Variants in FHIT observed in about 807,000 individuals in gnomAD.
FHIT encodes fragile histidine triad diadenosine triphosphatase, also known as bis(5'-adenosyl)-triphosphatase.
A neutral mutation model predicts 17.9 loss-of-function variants in FHIT; 19 were observed. That is an observed-to-expected ratio of 1.06 (90% CI 0.74 to 1.56). The LOEUF (loss-of-function observed/expected upper bound fraction) is 1.56. Among genes scored for constraint, FHIT ranks in the 40% most tolerant of loss-of-function variants. FHIT has a pLI of 0.00. For synonymous variants in FHIT, 81 were observed against 69.7 expected, an observed-to-expected ratio of 1.16 and a Z score of -0.81; for missense variants, 248 against 189.2, an observed-to-expected ratio of 1.31 and a Z score of -1.82.
At chr3:60,381,019 T>A (rs1700778936) in intron 5 of FHIT, among the ~76,000 whole-genome samples, 1 of 152,198 alleles carries the variant, frequency 6.6e-6, no homozygotes, top group African/African-American at 2.4e-5. Flanking sequence ...CTTGTAGCCT[T>A]TGAAACTCCA....
At chr3:61,043,515 C>T (rs112514217) in intron 2 of FHIT, among the ~76,000 whole-genome samples, 31 of 152,196 alleles carry the variant, frequency 2.0e-4, no homozygotes, top group African/African-American at 7.5e-4. Flanking sequence ...CTCAAGGAGG[C>T]CTGCCTGCCT....
At chr3:61,188,182 T>C (rs1331513565) in intron 2 of FHIT, among the ~76,000 whole-genome samples, 1 of 151,992 alleles carries the variant, frequency 6.6e-6, no homozygotes, top group Non-Finnish European at 1.5e-5. Context: ...GATAGACCGC[T>C]AGCAAGACTA....
intron 7 of FHIT, among the ~76,000 whole-genome samples, chr3:59,950,711 A>T (rs1158739618): frequency 3.9e-5 from 6 of 152,150 alleles, no homozygotes; most frequent in African/African-American, 1.4e-4. Flanking sequence ...CCAGGAGGGA[A>T]ATGTACATTA....
intron 5 of FHIT, among the ~76,000 whole-genome samples, chr3:60,093,698 C>T (rs1428640415): frequency 1.3e-5 from 2 of 152,140 alleles, no homozygotes; most frequent in African/African-American, 4.8e-5. Flanking sequence ...GAGCAAGAAC[C>T]CTACTATGAA....
chr3:61,109,007 A>G (rs1345340120), intron 2 of FHIT, among the ~76,000 whole-genome samples: 1 of 152,216 alleles, frequency 6.6e-6, no homozygotes, highest in African/African-American at 2.4e-5. Flanking sequence ...GTTTAAATGT[A>G]AATATATCTA....
intron 4 of FHIT, among the ~76,000 whole-genome samples, chr3:60,637,432 T>C (rs2039616022): frequency 6.6e-6 from 1 of 152,144 alleles, no homozygotes; most frequent in Non-Finnish European, 1.5e-5. Context: ...ATAGGAAGGG[T>C]ATATTTATTT....
At chr3:59,793,732 C>G (rs1199552396) in intron 8 of FHIT, among the ~76,000 whole-genome samples, 1 of 152,144 alleles carries the variant, frequency 6.6e-6, no homozygotes, top group African/African-American at 2.4e-5. Context: ...CTTTTAAAAC[C>G]TACAGAGTGA....
At chr3:60,512,085 C>A (rs1211657322) in intron 5 of FHIT, among the ~76,000 whole-genome samples, 2 of 152,022 alleles carry the variant, frequency 1.3e-5, no homozygotes, top group African/African-American at 4.8e-5. Flanking sequence ...TTATATATCC[C>A]ATATTATAAA....
chr3:60,481,839 T>C (rs939532511), intron 5 of FHIT, among the ~76,000 whole-genome samples: 26 of 152,110 alleles, frequency 1.7e-4, no homozygotes, highest in African/African-American at 6.0e-4. Flanking sequence ...GAACCTTAAA[T>C]GTAAATGGGT....
intron 5 of FHIT, among the ~76,000 whole-genome samples, chr3:60,286,783 T>C (rs1009955318): frequency 8.5e-5 from 13 of 152,194 alleles, no homozygotes; most frequent in Non-Finnish European, 1.9e-4. Context: ...TTCATTTTAA[T>C]GTCACTGAAA....
chr3:60,924,079 G>A (rs1707444237), intron 3 of FHIT, among the ~76,000 whole-genome samples: 1 of 152,116 alleles, frequency 6.6e-6, no homozygotes, highest in Non-Finnish European at 1.5e-5. Flanking sequence ...ACTCGGTGGA[G>A]CCCACCACAG....
intron 1 of FHIT, among the ~76,000 whole-genome samples, chr3:61,251,000 C>G (rs1042789073): frequency 6.6e-6 from 1 of 152,214 alleles, no homozygotes; most frequent in Non-Finnish European, 1.5e-5. Context: ...ACTACACCCC[C>G]AGAGCCAAGA....
At chr3:59,764,738 C>G (rs1450817281) in intron 8 of FHIT, among the ~76,000 whole-genome samples, 1 of 149,148 alleles carries the variant, frequency 6.7e-6, no homozygotes, top group Non-Finnish European at 1.5e-5. Context: ...TTTTTTTTTT[C>G]TAACCAGAAT....
At chr3:60,441,755 A>C (rs2594244) in intron 5 of FHIT, among the ~76,000 whole-genome samples, 4 of 96,560 alleles carry the variant, frequency 4.1e-5, no homozygotes, top group Admixed American at 4.0e-4. Context: ...TATATATATA[A>C]AAATATATAT....
chr3:61,050,259 C>CA (rs1175981339), intron 2 of FHIT, among the ~76,000 whole-genome samples: 2 of 152,026 alleles, frequency 1.3e-5, no homozygotes, highest in East Asian at 3.9e-4. Context: ...AACACTGCCA[C>CA]AAAAAAGCGA....
intron 7 of FHIT, among the ~76,000 whole-genome samples, chr3:60,008,203 A>G (rs1699998206): frequency 6.6e-6 from 1 of 152,184 alleles, no homozygotes; most frequent in South Asian, 2.1e-4. Flanking sequence ...GCTACTTCAG[A>G]TGAAGGGTCA....
intron 4 of FHIT, among the ~76,000 whole-genome samples, chr3:60,569,116 G>T (rs1240779149): frequency 1.3e-5 from 2 of 151,678 alleles, no homozygotes; most frequent in African/African-American, 4.8e-5. Context: ...CAGTTTAAGT[G>T]TTTTTATGTA....
intron 5 of FHIT, among the ~76,000 whole-genome samples, chr3:60,015,135 C>T (rs1286071494): frequency 6.6e-6 from 1 of 152,082 alleles, no homozygotes; most frequent in Non-Finnish European, 1.5e-5. Context: ...CAGCATGCTC[C>T]TGCCTGGAGC....
At chr3:59,877,746 A>G (rs606168) in intron 8 of FHIT, among the ~76,000 whole-genome samples, 149,099 of 152,352 alleles carry the variant, frequency 0.98, 73,010 homozygotes, top group East Asian at 1. Context: ...AGATTCCTAT[A>G]TGATTTCTTA....
Sources: allele counts gnomAD v4.1 joint callset (sites outside exome capture counted in the v4.1 genomes callset), GRCh38; gene constraint gnomAD v4.1.1; transcripts MANE v1.5; gene names NCBI Gene and HGNC (gene_info 2026-07-23, HGNC 2026-07-21).